The following RALGAPA1 variants were observed in gnomAD, a reference collection of about 807,000 sequenced individuals.
RALGAPA1 encodes the protein Ral GTPase activating protein catalytic subunit alpha 1, also known as ral GTPase-activating protein subunit alpha-1.
A neutral mutation model predicts 269.6 loss-of-function variants in RALGAPA1; 52 were observed. That is an observed-to-expected ratio of 0.19 (90% CI 0.15 to 0.24). RALGAPA1 has a LOEUF of 0.24. Ranked by LOEUF, RALGAPA1 falls within the 10% of genes least tolerant of loss-of-function variation. The pLI is 1.00. For missense variants in RALGAPA1, 1,917 were observed against 3,013.9 expected (o/e 0.64, Z 8.52); for synonymous variants, 817 against 1,008.3 (o/e 0.81, Z 3.60).
chr14:35,802,269 C>G (rs1310007981), intron 1 of RALGAPA1, among the ~76,000 whole-genome samples: 1 of 152,138 alleles, frequency 6.6e-6, no homozygotes, highest in Non-Finnish European at 1.5e-5. Context: ...GATCATGCCA[C>G]TGCACTCCAG....
chr14:35,785,119 C>T (rs1370189708), intron 1 of RALGAPA1, among the ~76,000 whole-genome samples: 6 of 152,190 alleles, frequency 3.9e-5, no homozygotes, highest in Admixed American at 3.9e-4. Flanking sequence ...AATCATTTCC[C>T]TAACACTCAA....
At chr14:35,626,210 A>T (rs2060979797) in intron 34 of RALGAPA1, among the ~76,000 whole-genome samples, 1 of 152,196 alleles carries the variant, frequency 6.6e-6, no homozygotes, top group Admixed American at 6.5e-5. Flanking sequence ...TATAAGGCAG[A>T]GGATATTCCC....
At chr14:35,570,312 A>C (rs1226405308) in intron 39 of RALGAPA1, among the ~76,000 whole-genome samples, 1 of 151,732 alleles carries the variant, frequency 6.6e-6, no homozygotes, top group Non-Finnish European at 1.5e-5. Context: ...ATATCATTCA[A>C]ATATAACTGC....
intron 31 of RALGAPA1, among the ~76,000 whole-genome samples, chr14:35,644,665 T>C (rs1307678586): frequency 6.6e-6 from 1 of 152,186 alleles, no homozygotes; most frequent in Non-Finnish European, 1.5e-5. Context: ...AACCAGATTT[T>C]TCATTGCTGG....
In RALGAPA1 at chr14:35,542,449, G is replaced by A. The variant is rs1345821881; in HGVS notation, c.*24-2759C>T. 1.9e-5 allele frequency: 3 copies of A among 156,268 alleles called. No homozygotes were observed. In the Admixed American group the frequency reaches 1.9e-4, roughly 10 times the overall value. 9.7% of individuals were successfully genotyped at this position (156,268 alleles called of 1,614,324 possible). A position where few individuals can be genotyped will look rare whatever the true frequency, so the allele number is the denominator to read the frequency against. On this transcript the variant is annotated intron_variant, in intron 41 of 41. Coordinates refer to ENST00000680220, the MANE Select transcript of RALGAPA1 (RefSeq NM_001346249.2). The stretch of plus-strand genomic sequence containing the variant: ...ATGTCTTCCTCACTGCCTTTAAAGT[G>A]AAATCTCCCTTCACTCAACAGAGTC...
intron 41 of RALGAPA1, among the ~76,000 whole-genome samples, chr14:35,544,549 A>G (rs1218789217): frequency 6.6e-6 from 1 of 152,196 alleles, no homozygotes; most frequent in Non-Finnish European, 1.5e-5. Flanking sequence ...AAAATTTCAC[A>G]TCTCAGTGAA....
At chr14:35,677,717 T>C (rs1226816630) in intron 22 of RALGAPA1, 1 of 445,432 alleles carries the variant, frequency 2.2e-6, no homozygotes, top group African/African-American at 2.1e-5. Flanking sequence ...TTGAAAATAA[T>C]GCAATAACTA....
chr14:35,558,993 T>A (rs2055897191), intron 39 of RALGAPA1, among the ~76,000 whole-genome samples: 1 of 152,142 alleles, frequency 6.6e-6, no homozygotes, highest in African/African-American at 2.4e-5. Flanking sequence ...TCAGGATCCA[T>A]CATGTCCCTT....
intron 11 of RALGAPA1, among the ~76,000 whole-genome samples, chr14:35,739,889 G>T (rs2071393261): frequency 6.6e-6 from 1 of 151,982 alleles, no homozygotes; most frequent in Non-Finnish European, 1.5e-5. Context: ...TTATTCAAAG[G>T]CTTTCCAGTT....
At chr14:35,680,357 A>AATC (rs2065318694) in intron 21 of RALGAPA1, among the ~76,000 whole-genome samples, 1 of 151,680 alleles carries the variant, frequency 6.6e-6, no homozygotes. Context: ...ACAGGTGTCC[A>AATC]CCACCATGCC....
At chr14:35,705,550 ATGGATGT>A (rs2067730166) in intron 16 of RALGAPA1, among the ~76,000 whole-genome samples, 1 of 151,814 alleles carries the variant, frequency 6.6e-6, no homozygotes, top group Non-Finnish European at 1.5e-5. Flanking sequence ...ATTCCATTTT[ATGGATGT>A]ACAACAGTTT....
chr14:35,615,661 T>C (rs564489869), intron 35 of RALGAPA1, among the ~76,000 whole-genome samples: 1 of 152,286 alleles, frequency 6.6e-6, no homozygotes, highest in South Asian at 2.1e-4. Context: ...CTCAAGGCAA[T>C]GTCTCCCCTT....
intron 4 of RALGAPA1, among the ~76,000 whole-genome samples, chr14:35,768,510 C>T (rs993080966): frequency 1.3e-5 from 2 of 151,152 alleles, no homozygotes; most frequent in African/African-American, 2.4e-5. Flanking sequence ...GGCAACAAAG[C>T]AAGACCCCGT....
chr14:35,624,156 C>CAAAAAAAAAAAAAAAAAAA (rs377171729), intron 35 of RALGAPA1, among the ~76,000 whole-genome samples: 6 of 21,834 alleles, frequency 2.7e-4, no homozygotes, highest in African/African-American at 3.4e-4. Flanking sequence ...TAATACAACG[C>CAAAAAAAAAAAAAAAAAAA]AAAAAAAAAA....
chr14:35,684,162 T>A (rs557133859), intron 20 of RALGAPA1, among the ~76,000 whole-genome samples, 177 bp from the exon 21 acceptor site: 1 of 152,318 alleles, frequency 6.6e-6, no homozygotes, highest in African/African-American at 2.4e-5. Flanking sequence ...TAGATCGGGA[T>A]AGTGTACAAG....
chr14:35,598,094 C>T (rs2059030504), intron 36 of RALGAPA1, among the ~76,000 whole-genome samples: 1 of 152,088 alleles, frequency 6.6e-6, no homozygotes, highest in Non-Finnish European at 1.5e-5. Flanking sequence ...TCTAGTTTTC[C>T]TCTTAACTGT....
chr14:35,658,567 C>A (rs183237965), intron 28 of RALGAPA1, among the ~76,000 whole-genome samples: 1 of 152,028 alleles, frequency 6.6e-6, no homozygotes, highest in South Asian at 2.1e-4. Flanking sequence ...GTGCTACTAG[C>A]AACCTGCTAA....
At chr14:35,579,368 C>T (rs1362527470) in intron 37 of RALGAPA1, among the ~76,000 whole-genome samples, 3 of 152,088 alleles carry the variant, frequency 2.0e-5, no homozygotes, top group Admixed American at 6.6e-5. Flanking sequence ...CAGTGGCTCA[C>T]GCCTGTGATC....
At chr14:35,594,506 A>C (rs1261303594) in intron 37 of RALGAPA1, among the ~76,000 whole-genome samples, 1 of 152,150 alleles carries the variant, frequency 6.6e-6, no homozygotes, top group Middle Eastern at 3.2e-3. Flanking sequence ...ACCTAAACAG[A>C]CATTTATTCA....
Sources: gnomAD v4.1 joint callset for allele counts (sites outside exome capture counted in the v4.1 genomes callset) on GRCh38, gnomAD v4.1.1 for gene constraint, MANE v1.5 for transcripts, NCBI Gene and HGNC (gene_info 2026-07-23, HGNC 2026-07-21) for gene names.